Variants in DNAI3 observed in about 807,000 individuals in gnomAD.
DNAI3 encodes WD repeat domain 63.
Under a neutral mutation model 115.5 loss-of-function variants are expected in DNAI3, and 83 were observed. The ratio of observed to expected loss-of-function variants is 0.72; its 90% CI spans 0.60 to 0.86. The LOEUF is 0.86. Among genes scored for constraint, DNAI3 ranks in the 40% least tolerant of loss-of-function variants. The pLI is 0.00. For missense variants in DNAI3, 1,004 were observed against 1,075.8 expected (o/e 0.93, Z 0.93); for synonymous variants, 320 against 347.0 (o/e 0.92, Z 0.86).
Position 85,083,637 on chromosome 1 carries a change from TAC to T in DNAI3, c.391-907_391-906del, listed in dbSNP as rs201947260. 8.7e-3 allele frequency among the ~76,000 whole-genome samples: 1,321 copies of T among 152,106 alleles called. 9 individuals are homozygous for T. Among genetic ancestry groups the T allele is most frequent in the African/African-American group, 0.028 (1,151 of 41,512 alleles). ...AATATTTTAAATGTTTAGAAAAAACTACAGAGTAGTATAACAAATATCTACAC... is the reference window on the plus strand; with the variant it reads ...AATATTTTAAATGTTTAGAAAAAACTAGAGTAGTATAACAAATATCTACAC... On this transcript the variant is annotated intron_variant, in intron 5 of 22. Coordinates refer to ENST00000294664, the MANE Select transcript of DNAI3 (RefSeq NM_145172.5).
chr1:85,076,238 C>T (rs1654451561), intron 3 of DNAI3, among the ~76,000 whole-genome samples: 1 of 152,138 alleles, frequency 6.6e-6, no homozygotes, highest in African/African-American at 2.4e-5. Flanking sequence ...TATAAGGCCC[C>T]TTGGGATTAC....
chr1:85,108,561 T>C (rs1487929334), intron 15 of DNAI3, among the ~76,000 whole-genome samples: 3 of 152,174 alleles, frequency 2.0e-5, no homozygotes, highest in Non-Finnish European at 2.9e-5. Flanking sequence ...ATTCTAACTG[T>C]GCCAATAACA....
intron 13 of DNAI3, among the ~76,000 whole-genome samples, chr1:85,103,290 G>T (rs1460639947): frequency 1.6e-4 from 25 of 152,124 alleles, no homozygotes; most frequent in Non-Finnish European, 1.5e-5. Context: ...AGAGCTAGTG[G>T]GTTGGAATTT....
At chr1:85,074,927 A>T (rs1369878032) in intron 3 of DNAI3, among the ~76,000 whole-genome samples, 1 of 152,230 alleles carries the variant, frequency 6.6e-6, no homozygotes, top group African/African-American at 2.4e-5. Flanking sequence ...AAATGAGTGA[A>T]TGAGTTGTGT....
rs2100555331 is a variant in DNAI3, at chr1:85,071,889, A to G, written c.-14-39A>G. 3 of 1,561,778 alleles carry G rather than the reference A, an allele frequency of 1.9e-6. No individual in the cohort carries two copies. The South Asian group carries it at 3.6e-5, about 19-fold the overall frequency. On this transcript the variant is annotated intron_variant, in intron 1 of 22. Transcript: ENST00000294664. ...ATTTGAAATTGTAAGTTGTTTGCAAATTGTAACAATTTACTAATAATATCA... is the reference window on the plus strand; with the variant it reads ...ATTTGAAATTGTAAGTTGTTTGCAAGTTGTAACAATTTACTAATAATATCA...
chr1:85,102,527 A>T (rs1205509595), intron 13 of DNAI3, among the ~76,000 whole-genome samples: 2 of 152,204 alleles, frequency 1.3e-5, no homozygotes, highest in Admixed American at 6.5e-5. Flanking sequence ...GGCAACAATA[A>T]TGTGCCATTT....
chr1:85,084,018 A>G (rs959788051), intron 5 of DNAI3, among the ~76,000 whole-genome samples: 1 of 151,620 alleles, frequency 6.6e-6, no homozygotes, highest in Non-Finnish European at 1.5e-5. Context: ...GATACCATAT[A>G]TATGTAGGTC....
At chr1:85,131,169 G>A (rs554824688) in intron 22 of DNAI3, among the ~76,000 whole-genome samples, 3 of 152,066 alleles carry the variant, frequency 2.0e-5, no homozygotes, top group Non-Finnish European at 4.4e-5. Context: ...ATGTGGCACT[G>A]GGCGCCGTGG....
chr1:85,112,448 C>T (rs2100601979), intron 16 of DNAI3, among the ~76,000 whole-genome samples: 1 of 152,264 alleles, frequency 6.6e-6, no homozygotes, highest in East Asian at 1.9e-4. Flanking sequence ...TTCCTGGGTA[C>T]ATCCCTAGGA....
At chr1:85,112,861 T>G (rs1196095635) in intron 16 of DNAI3, among the ~76,000 whole-genome samples, 2 of 152,202 alleles carry the variant, frequency 1.3e-5, no homozygotes, top group Admixed American at 6.5e-5. Flanking sequence ...CCTCTGCCTC[T>G]GGGTTCAAGT....
At chr1:85,130,199 A>C in intron 22 of DNAI3, 87 bp downstream of exon 22, 1 of 1,559,112 alleles carries the variant, frequency 6.4e-7, no homozygotes, top group Non-Finnish European at 8.7e-7. Flanking sequence ...TTTCCATAGA[A>C]AAGTTATACT....
chr1:85,108,834 A>T (rs899370523), intron 15 of DNAI3, among the ~76,000 whole-genome samples: 21 of 152,222 alleles, frequency 1.4e-4, no homozygotes, highest in African/African-American at 5.1e-4. Context: ...CAAAATCATC[A>T]TGAATTCAAG....
At chr1:85,105,705 C>A (rs547349081) in intron 14 of DNAI3, among the ~76,000 whole-genome samples, 7 of 152,146 alleles carry the variant, frequency 4.6e-5, no homozygotes, top group Non-Finnish European at 1.0e-4. Flanking sequence ...GAAGAGCTGA[C>A]TTGGGCCTTG....
intron 13 of DNAI3, among the ~76,000 whole-genome samples, chr1:85,102,938 G>A (rs1046312097): frequency 3.9e-5 from 6 of 152,040 alleles, no homozygotes; most frequent in Non-Finnish European, 8.8e-5. Context: ...ACATCTCTGG[G>A]GTCTCTGACT....
chr1:85,071,820 C>A (rs1235883998), intron 1 of DNAI3, 108 bp from the exon 2 acceptor site: 22 of 1,160,374 alleles, frequency 1.9e-5, no homozygotes, highest in Admixed American at 2.7e-5. Context: ...CAGGGTAAAT[C>A]TTAGAAAACA....
chr1:85,120,056 T>G (rs1655945397), intron 17 of DNAI3, among the ~76,000 whole-genome samples: 1 of 152,344 alleles, frequency 6.6e-6, no homozygotes, highest in South Asian at 2.1e-4. Context: ...CTTGCCCTAC[T>G]TGGAATTTCT....
rs1194066386 is a variant in DNAI3, at chr1:85,098,659, G to A, written c.1479+1G>A. ...ACACTGGTTGTCTGACACATTTGAGGTGAGACTTGATGGCCTTATACTTTT... is the reference window on the plus strand; with the variant it reads ...ACACTGGTTGTCTGACACATTTGAGATGAGACTTGATGGCCTTATACTTTT... On this transcript the variant is annotated splice_donor_variant, in intron 13 of 22. Transcript: ENST00000294664. LOFTEE classifies it high-confidence loss of function. 1.2e-6 allele frequency: 2 copies of A among 1,612,120 alleles called. No homozygotes were observed. Among genetic ancestry groups the A allele is most frequent in the Non-Finnish European group, 1.7e-6 (2 of 1,179,240 alleles).
At chr1:85,063,410 C>T (rs1057425681) in intron 1 of DNAI3, among the ~76,000 whole-genome samples, 1 of 152,016 alleles carries the variant, frequency 6.6e-6, no homozygotes, top group Non-Finnish European at 1.5e-5. Context: ...GAATGGAAAC[C>T]GTGTGAGGCT....
At chr1:85,112,570 A>G (rs1655690372) in intron 16 of DNAI3, among the ~76,000 whole-genome samples, 2 of 152,102 alleles carry the variant, frequency 1.3e-5, no homozygotes, top group South Asian at 2.1e-4. Context: ...GGAGAGTTCC[A>G]TTTTCTCCAC....
Sources: gnomAD v4.1 joint callset for allele counts (sites outside exome capture counted in the v4.1 genomes callset) on GRCh38, gnomAD v4.1.1 for gene constraint, MANE v1.5 for transcripts, NCBI Gene and HGNC (gene_info 2026-07-23, HGNC 2026-07-21) for gene names.